Variants in NPAT observed in about 807,000 individuals in gnomAD.
NPAT encodes nuclear protein, coactivator of histone transcription, also known as protein NPAT.
NPAT carries 52 observed loss-of-function variants against 130.7 expected under a neutral mutation model. The ratio of observed to expected loss-of-function variants is 0.40; its 90% CI spans 0.32 to 0.50. The LOEUF is 0.50. NPAT is among the 20% of genes least tolerant of loss of function. The pLI is 0.68. For missense variants in NPAT, 1,687 were observed against 1,662.6 expected, an observed-to-expected ratio of 1.01 and a Z score of -0.26; for synonymous variants, 580 against 584.8, an observed-to-expected ratio of 0.99 and a Z score of 0.12.
rs2078201897 is a variant in NPAT, at chr11:108,194,549, A to T, written c.157-532T>A. 2.6e-5 allele frequency among the ~76,000 whole-genome samples: 4 copies of T among 152,378 alleles called. No individual in the cohort carries two copies. The South Asian group carries it at 8.3e-4, about 32-fold the overall frequency. On this transcript the variant is annotated intron_variant, in intron 2 of 17. Coordinates refer to ENST00000278612, the MANE Select transcript of NPAT (RefSeq NM_002519.3). ...CATCCACGTTATTGTGTGAATCAAT[A>T]GCATGTTGCTTTCTATTGCTGAGTA...
In NPAT at chr11:108,172,818, A is replaced by C. The variant is rs2077966252; in HGVS notation, c.2166T>G (p.Asp722Glu). 7 of 1,613,860 alleles carry C rather than the reference A, an allele frequency of 4.3e-6. No homozygotes were observed. The East Asian group carries it at 1.3e-4, about 31-fold the overall frequency. The stretch of plus-strand genomic sequence containing the variant: ...CTGCTGAGTTGTTGCTAGAAGGTTT[A>C]TCATCAGTATTTTGGGACTCAGGGT... ...DSHPESQNTDDKPSSNNSAEI... is the reference protein window; with the variant it reads ...DSHPESQNTDEKPSSNNSAEI... Residue 722 changes from aspartate (D) to glutamate (E), a missense_variant, in exon 13 of 18, where the codon GAT becomes GAG. Around this residue, in one of 3 missense-constraint regions of NPAT, gnomAD observed 1,379 missense variants for 1,346.6 expected, o/e 1.02. Transcript: ENST00000278612.
chr11:108,161,107 T>G lies in NPAT; in HGVS notation c.3979A>C (p.Ser1327Arg). 1.2e-6 allele frequency: 2 copies of G among 1,614,226 alleles called. No individual in the cohort carries two copies. Among genetic ancestry groups the G allele is most frequent in the Non-Finnish European group, 1.7e-6 (2 of 1,180,042 alleles). ...AATGTGTGGGCAGCCATATTTACAC[T>G]GTTTTCACTTCCTGTTTCACTGGCA... ...SPASETGSEN[S>R]VNMAAHTLMI... The change falls in exon 17 of 18, where the codon AGT becomes CGT. Residue 1327 changes from serine to arginine, a missense_variant. By Grantham distance (110) the Ser-to-Arg change is moderately radical. Transcript: ENST00000278612.
chr11:108,185,136 T>C (rs974811691), intron 10 of NPAT, 96 bp downstream of exon 10: 2 of 815,260 alleles, frequency 2.5e-6, no homozygotes, highest in African/African-American at 3.4e-5. Flanking sequence ...TCATAACATC[T>C]TATGTTGGCA....
Position 108,222,552 on chromosome 11 carries a change from A to C in NPAT, c.-16T>G, listed in dbSNP as rs1417285782. 4 of 1,613,820 alleles carry C rather than the reference A, an allele frequency of 2.5e-6. No homozygotes were observed. The East Asian group carries it at 8.9e-5, about 36-fold the overall frequency. On this transcript the variant is annotated 5_prime_UTR_variant, in exon 1 of 18. Transcript: ENST00000278612. ...GTAACAACATGATCAAAACCACAGC[A>C]GGAACCACAATAAGGAACAAGACTC...
At chr11:108,169,640 G>A in intron 15 of NPAT, 104 bp downstream of exon 15, 1 of 851,396 alleles carries the variant, frequency 1.2e-6, no homozygotes, top group South Asian at 1.4e-5. Context: ...GTGATCACTT[G>A]TTTTAAAATG....
At chr11:108,184,557 G>T (rs1565316381) in intron 10 of NPAT, among the ~76,000 whole-genome samples, 3 of 151,744 alleles carry the variant, frequency 2.0e-5, no homozygotes, top group Non-Finnish European at 4.4e-5. Context: ...TTGAGACAGG[G>T]TCTTGCTCTG....
intron 1 of NPAT, among the ~76,000 whole-genome samples, chr11:108,206,249 C>T (rs903506726): frequency 4.6e-5 from 7 of 152,216 alleles, no homozygotes; most frequent in Admixed American, 3.3e-4. Flanking sequence ...TTTTCCAGTT[C>T]GAAACCTCTG....
At chr11:108,174,772 C>G (rs1411947035) in intron 12 of NPAT, among the ~76,000 whole-genome samples, 1 of 150,110 alleles carries the variant, frequency 6.7e-6, no homozygotes, top group Non-Finnish European at 1.5e-5. Flanking sequence ...GCGCCAGCCA[C>G]CACACCTGGC....
chr11:108,173,132 A>G lies in NPAT; in HGVS notation c.1852T>C (p.Ser618Pro), dbSNP rs371916761. The change falls in exon 13 of 18, where the codon TCT (serine) becomes CCT (proline). Residue 618 changes from serine (S) to proline (P), a missense_variant. Transcript: ENST00000278612. The stretch of plus-strand genomic sequence containing the variant: ...CCAAGATGAATTTCTACTTGTCCAG[A>G]TACATTTAAATGTGAACTTTCAACA... ...VSVESSHLNV[S>P]GQVEIHLGDS... 3.1e-6 allele frequency: 5 copies of G among 1,613,864 alleles called. No individual in the cohort carries two copies. Among genetic ancestry groups the G allele is most frequent in the Non-Finnish European group, 4.2e-6 (5 of 1,179,944 alleles).
At chr11:108,217,870 G>A (rs1591422620) in intron 1 of NPAT, among the ~76,000 whole-genome samples, 1 of 152,136 alleles carries the variant, frequency 6.6e-6, no homozygotes, top group South Asian at 2.1e-4. Context: ...GTGAGCGCCT[G>A]TAATCCCAGC....
intron 1 of NPAT, among the ~76,000 whole-genome samples, chr11:108,209,888 C>CAAAAAAAAAAAAAAAA (rs58890849): frequency 1.4e-5 from 1 of 70,806 alleles, no homozygotes; most frequent in East Asian, 4.4e-4. Context: ...GACTTCATCT[C>CAAAAAAAAAAAAAAAA]AAAAAAAAAA....
intron 1 of NPAT, among the ~76,000 whole-genome samples, chr11:108,211,888 T>C (rs1198932258): frequency 1.3e-5 from 2 of 152,080 alleles, no homozygotes; most frequent in Non-Finnish European, 2.9e-5. Flanking sequence ...AGGCTGAGGC[T>C]GCAGTGGGCC....
intron 2 of NPAT, among the ~76,000 whole-genome samples, chr11:108,195,329 G>A (rs911776508): frequency 6.6e-6 from 1 of 152,170 alleles, no homozygotes; most frequent in South Asian, 2.1e-4. Flanking sequence ...AAGAGTTCCT[G>A]CTGCTCTGCA....
Position 108,200,498 on chromosome 11 carries a change from A to G in NPAT, c.38-3078T>C, listed in dbSNP as rs183662175. Among the ~76,000 whole-genome samples the G allele has an allele frequency of 3.9e-5, 6 of 152,258 alleles. No individual in the cohort carries two copies. In the East Asian group the frequency reaches 7.7e-4, roughly 20 times the overall value. ...CTTTGTCTCACCCTAGTGCAGACCA[A>G]TATTAATTAACCCAGAAGTCTGGGC... is the stretch of plus-strand genomic sequence containing the variant. On this transcript the variant is annotated intron_variant, in intron 1 of 17. Transcript: ENST00000278612.
chr11:108,186,707 T>G (rs998565420), intron 7 of NPAT, 138 bp from the exon 8 acceptor site: 1 of 707,128 alleles, frequency 1.4e-6, no homozygotes, highest in Non-Finnish European at 2.4e-6. Flanking sequence ...GGGGCTGGTT[T>G]CAGGACCCCC....
chr11:108,206,887 C>T (rs2078330709), intron 1 of NPAT, among the ~76,000 whole-genome samples: 1 of 152,202 alleles, frequency 6.6e-6, no homozygotes, highest in Non-Finnish European at 1.5e-5. Flanking sequence ...GGCAGGTCGT[C>T]CCCACGAGTA....
chr11:108,205,686 A>C (rs1456929312), intron 1 of NPAT, among the ~76,000 whole-genome samples: 1 of 152,230 alleles, frequency 6.6e-6, no homozygotes, highest in East Asian at 1.9e-4. Context: ...AGAAATACTA[A>C]AGGGGGACTC....
At chr11:108,207,214 T>C (rs1313974232) in intron 1 of NPAT, among the ~76,000 whole-genome samples, 1 of 152,182 alleles carries the variant, frequency 6.6e-6, no homozygotes, top group East Asian at 1.9e-4. Flanking sequence ...GTCTGGGGTT[T>C]TTATGGACCT....
intron 1 of NPAT, among the ~76,000 whole-genome samples, chr11:108,219,510 G>T (rs1054104558): frequency 6.6e-6 from 1 of 152,156 alleles, no homozygotes; most frequent in African/African-American, 2.4e-5. Context: ...GTCTCATACA[G>T]AAGGTAACAA....
Sources: allele counts gnomAD v4.1 joint callset (sites outside exome capture counted in the v4.1 genomes callset), GRCh38; gene constraint gnomAD v4.1.1; regional missense constraint gnomAD v4.1.1; transcripts MANE v1.5; gene names NCBI Gene and HGNC (gene_info 2026-07-23, HGNC 2026-07-21).